Variants in ULK4 observed in about 807,000 individuals in gnomAD.
ULK4 encodes unc-51 like kinase 4, also known as inactive serine/threonine-protein kinase ULK4.
A neutral mutation model predicts 160.6 loss-of-function variants in ULK4; 133 were observed. The observed-to-expected ratio is 0.83, with a 90% confidence interval of 0.72 to 0.96. The LOEUF (loss-of-function observed/expected upper bound fraction) is 0.96, where lower values mean the gene tolerates loss of function less well. Among genes scored for constraint, ULK4 ranks in the 40% least tolerant of loss-of-function variants. ULK4 has a pLI of 0.00. For synonymous variants in ULK4, 534 were observed against 539.8 expected (o/e 0.99, Z 0.15); for missense variants, 1,580 against 1,499.5 (o/e 1.05, Z -0.89).
At chr3:41,385,215 A>T (rs1170587371) in intron 35 of ULK4, among the ~76,000 whole-genome samples, 1 of 152,180 alleles carries the variant, frequency 6.6e-6, no homozygotes, top group Non-Finnish European at 1.5e-5. Flanking sequence ...TAAAACGATA[A>T]TTCTTGATTA....
chr3:41,249,055 C>T (rs1407838163), intron 36 of ULK4, among the ~76,000 whole-genome samples: 2 of 152,182 alleles, frequency 1.3e-5, no homozygotes, highest in African/African-American at 4.8e-5. Context: ...ACATTTGCCC[C>T]AGCCCTGCCT....
At chr3:41,491,476 G>A (rs575936819) in intron 32 of ULK4, among the ~76,000 whole-genome samples, 136 of 151,492 alleles carry the variant, frequency 9.0e-4, no homozygotes, top group African/African-American at 3.0e-3. Flanking sequence ...GGCAAAAGAG[G>A]ACTAAAATCT....
chr3:41,870,539 C>T (rs1716673), intron 17 of ULK4, among the ~76,000 whole-genome samples: 9,000 of 152,216 alleles, frequency 0.059, 876 homozygotes, highest in African/African-American at 0.2. Flanking sequence ...TAATTATAAA[C>T]TCACAGGGAA....
chr3:41,706,900 T>G (rs9837764), intron 25 of ULK4, among the ~76,000 whole-genome samples: 64,991 of 136,072 alleles, frequency 0.48, 16,270 homozygotes, highest in South Asian at 0.62. Context: ...TATATATATA[T>G]AGAGAGAGAG....
intron 27 of ULK4, among the ~76,000 whole-genome samples, chr3:41,687,070 A>G (rs1030738780): frequency 2.0e-5 from 3 of 151,294 alleles, no homozygotes; most frequent in African/African-American, 7.3e-5. Context: ...GCGACAAAAG[A>G]CTCTGTCTAA....
At chr3:41,409,036 G>C (rs373540479) in intron 34 of ULK4, among the ~76,000 whole-genome samples, 2 of 152,056 alleles carry the variant, frequency 1.3e-5, no homozygotes, top group African/African-American at 4.8e-5. Context: ...CAAGTGGACT[G>C]CATGAGCCCA....
chr3:41,269,578 T>C (rs2079103166), intron 35 of ULK4, among the ~76,000 whole-genome samples: 1 of 152,222 alleles, frequency 6.6e-6, no homozygotes, highest in South Asian at 2.1e-4. Flanking sequence ...TGGTTCATGA[T>C]AATGAAACAT....
At chr3:41,443,214 A>C (rs2083212890) in intron 34 of ULK4, among the ~76,000 whole-genome samples, 1 of 152,176 alleles carries the variant, frequency 6.6e-6, no homozygotes, top group South Asian at 2.1e-4. Context: ...TAGTAGTTTC[A>C]ATAATCCTAC....
At chr3:41,534,929 A>G (rs1271148131) in intron 32 of ULK4, among the ~76,000 whole-genome samples, 1 of 152,206 alleles carries the variant, frequency 6.6e-6, no homozygotes, top group African/African-American at 2.4e-5. Flanking sequence ...ATATGGCAAT[A>G]TATGAGAAAA....
At chr3:41,552,445 C>T (rs2087108349) in intron 32 of ULK4, among the ~76,000 whole-genome samples, 1 of 151,808 alleles carries the variant, frequency 6.6e-6, no homozygotes, top group Non-Finnish European at 1.5e-5. Flanking sequence ...AATCAGTAGT[C>T]TTTTTATACA....
chr3:41,555,943 G>C (rs1023319570), intron 32 of ULK4, among the ~76,000 whole-genome samples: 1 of 152,112 alleles, frequency 6.6e-6, no homozygotes, highest in East Asian at 1.9e-4. Context: ...ACCAAATATG[G>C]TGTATTCTCA....
chr3:41,947,487 G>A (rs560602990), intron 2 of ULK4, among the ~76,000 whole-genome samples: 10 of 152,082 alleles, frequency 6.6e-5, no homozygotes, highest in African/African-American at 1.7e-4. Flanking sequence ...TTATTTTCTC[G>A]GCTTACCCTG....
intron 34 of ULK4, among the ~76,000 whole-genome samples, chr3:41,436,520 G>C (rs1409936428): frequency 6.6e-6 from 1 of 152,136 alleles, no homozygotes; most frequent in Non-Finnish European, 1.5e-5. Context: ...GGCCAGCAGA[G>C]CTCTTCTAGT....
intron 21 of ULK4, among the ~76,000 whole-genome samples, chr3:41,787,588 C>T (rs1395257984): frequency 6.6e-6 from 1 of 152,148 alleles, no homozygotes; most frequent in Non-Finnish European, 1.5e-5. Context: ...CACCACCACC[C>T]AAAATGTTTT....
intron 32 of ULK4, among the ~76,000 whole-genome samples, chr3:41,546,996 T>C (rs1205685184): frequency 6.6e-6 from 1 of 152,170 alleles, no homozygotes; most frequent in East Asian, 1.9e-4. Flanking sequence ...TTTCCAGTTT[T>C]CAGGTTGCTT....
At chr3:41,388,861 C>T (rs1452191581) in intron 35 of ULK4, among the ~76,000 whole-genome samples, 9 of 152,092 alleles carry the variant, frequency 5.9e-5, no homozygotes, top group Admixed American at 4.6e-4. Context: ...TATACAGGCT[C>T]TTTTTTGGTT....
chr3:41,900,035 G>A (rs928815709), intron 13 of ULK4, among the ~76,000 whole-genome samples: 1 of 152,094 alleles, frequency 6.6e-6, no homozygotes, highest in Non-Finnish European at 1.5e-5. Flanking sequence ...AAAAAGTAGT[G>A]GAATGTGAGT....
chr3:41,834,842 G>A lies in ULK4; in HGVS notation c.1764+1022C>T, dbSNP rs765116180. Among the ~76,000 whole-genome samples the A allele has an allele frequency of 4.6e-5, 7 of 152,176 alleles. No individual in the cohort carries two copies. In the South Asian group the frequency reaches 6.2e-4, roughly 14 times the overall value. On this transcript the variant is annotated intron_variant, in intron 18 of 36. Coordinates refer to ENST00000301831, the MANE Select transcript of ULK4 (RefSeq NM_017886.4). ...GCGAATCACTTCAGCCTAGGAATTCGAGACCAGCCTGGGCAACATGGCGAA... is the reference window on the plus strand; with the variant it reads ...GCGAATCACTTCAGCCTAGGAATTCAAGACCAGCCTGGGCAACATGGCGAA...
intron 5 of ULK4, among the ~76,000 whole-genome samples, chr3:41,925,261 A>G (rs1699337685): frequency 6.6e-6 from 1 of 152,196 alleles, no homozygotes; most frequent in South Asian, 2.1e-4. Flanking sequence ...GGCAGGCAGA[A>G]GCAAGGTGGG....
Sources: allele counts gnomAD v4.1 joint callset (sites outside exome capture counted in the v4.1 genomes callset), GRCh38; gene constraint gnomAD v4.1.1; transcripts MANE v1.5; gene names NCBI Gene and HGNC (gene_info 2026-07-23, HGNC 2026-07-21).